Variants in CRPPA observed in about 807,000 individuals in gnomAD.
CRPPA encodes the protein D-ribitol-5-phosphate cytidylyltransferase.
A neutral mutation model predicts 52.0 loss-of-function variants in CRPPA; 43 were observed. The ratio of observed to expected loss-of-function variants is 0.83; its 90% confidence interval spans 0.65 to 1.07. The LOEUF (loss-of-function observed/expected upper bound fraction) is 1.07, where lower values mean the gene tolerates loss of function less well. Among genes scored for constraint, CRPPA ranks in the 50% least tolerant of loss-of-function variants. CRPPA has a pLI of 0.00. For missense variants in CRPPA, 629 were observed against 551.7 expected, an observed-to-expected ratio of 1.14 and a Z score of -1.40; for synonymous variants, 250 against 203.5, an observed-to-expected ratio of 1.23 and a Z score of -1.94.
Position 16,258,476 on chromosome 7 carries a change from T to C in CRPPA, c.1033A>G (p.Thr345Ala). The stretch of plus-strand genomic sequence containing the variant: ...TTCTGGGTTTCTTGAAAATCAGAGG[T>C]TGTAACCTAAAAGACCAGAAAAATA... Reference protein sequence around the residue: ...CYNFVCVNVTTSDFQETQKLL... With the variant: ...CYNFVCVNVTASDFQETQKLL... The change falls in exon 8 of 10, where the codon ACC (threonine) becomes GCC (alanine). Residue 345 changes from threonine (T) to alanine (A), a missense_variant. Thr to Ala is a moderately conservative substitution (Grantham distance 58, BLOSUM62 0). Transcript: ENST00000407010. 2.5e-6 allele frequency: 4 copies of C among 1,594,292 alleles called. No homozygotes were observed. The highest frequency in any genetic ancestry group is 1.3e-5 in the African/African-American group (1 of 74,330).
At chr7:16,096,247 G>A (rs1031347475) in intron 9 of CRPPA, among the ~76,000 whole-genome samples, 1 of 151,568 alleles carries the variant, frequency 6.6e-6, no homozygotes, top group Non-Finnish European at 1.5e-5. Flanking sequence ...AATATCACTA[G>A]ATAGGCAAAG....
At chr7:16,350,154 C>A (rs1786109856) in intron 3 of CRPPA, among the ~76,000 whole-genome samples, 1 of 151,832 alleles carries the variant, frequency 6.6e-6, no homozygotes, top group Admixed American at 6.6e-5. Context: ...CCCAGGAAGC[C>A]TATCTTTCAA....
rs984338442 is a variant in CRPPA, at chr7:16,346,393, A to G, written c.684+29699T>C. 3.9e-5 allele frequency among the ~76,000 whole-genome samples: 6 copies of G among 152,282 alleles called. No homozygotes were observed. The East Asian group carries it at 1.2e-3, about 29-fold the overall frequency. On this transcript the variant is annotated intron_variant, in intron 3 of 9. Transcript: ENST00000407010. The stretch of plus-strand genomic sequence containing the variant: ...ATCTAAAGGGTTGAAATTAAGCCAG[A>G]GGATAAGGAAAAGAGCTGTGTCAGT...
intron 9 of CRPPA, among the ~76,000 whole-genome samples, chr7:16,108,248 G>C (rs1168388414): frequency 6.6e-6 from 1 of 151,844 alleles, no homozygotes; most frequent in African/African-American, 2.4e-5. Flanking sequence ...CACTTTTAAT[G>C]ACATACATAG....
chr7:16,289,516 T>C (rs1321223300), intron 5 of CRPPA, among the ~76,000 whole-genome samples: 2 of 152,140 alleles, frequency 1.3e-5, no homozygotes, highest in Non-Finnish European at 2.9e-5. Flanking sequence ...GGATGCAAGA[T>C]GGTTCAACAT....
intron 2 of CRPPA, among the ~76,000 whole-genome samples, chr7:16,378,466 T>C (rs1480787025): frequency 1.3e-5 from 2 of 151,950 alleles, no homozygotes; most frequent in Non-Finnish European, 2.9e-5. Flanking sequence ...CTGCATAGTA[T>C]TCTATGGTGT....
rs370373583 is a variant in CRPPA at position 16,216,064 on chromosome 7, A to G, written c.1251+2T>C. 5.1e-6 allele frequency: 8 copies of G among 1,579,180 alleles called. No homozygotes were observed. Among genetic ancestry groups the G allele is most frequent in the Non-Finnish European group, 6.9e-6 (8 of 1,164,746 alleles). On this transcript the variant is annotated splice_donor_variant, in intron 9 of 9. Coordinates refer to ENST00000407010, the MANE Select transcript of CRPPA (RefSeq NM_001101426.4). LOFTEE classifies it high-confidence loss of function. Reference sequence around the variant, plus strand: ...CATTCGGAAGATAAACATTTTACCTACCTGTGGGTAAGATATGAGAAGCCC... The same window carrying G: ...CATTCGGAAGATAAACATTTTACCTGCCTGTGGGTAAGATATGAGAAGCCC...
At chr7:16,181,040 A>C (rs1781403307) in intron 9 of CRPPA, among the ~76,000 whole-genome samples, 1 of 151,914 alleles carries the variant, frequency 6.6e-6, no homozygotes, top group Non-Finnish European at 1.5e-5. Flanking sequence ...CAATGTTTGT[A>C]AAAAAAGCCA....
Position 16,332,591 on chromosome 7 carries a change from G to T in CRPPA, c.685-23964C>A, listed in dbSNP as rs1460276746. Among the ~76,000 whole-genome samples, 3 of 152,114 alleles carry T rather than the reference G, an allele frequency of 2.0e-5. No homozygotes were observed. The South Asian group carries it at 6.2e-4, about 31-fold the overall frequency. On this transcript the variant is annotated intron_variant, in intron 3 of 9. Coordinates refer to ENST00000407010, the MANE Select transcript of CRPPA (RefSeq NM_001101426.4). The stretch of plus-strand genomic sequence containing the variant: ...ATAGTGTTATTTGAAAATAGAATTA[G>T]TTGTAAATGTGTACTAGCAACTATG...
intron 8 of CRPPA, among the ~76,000 whole-genome samples, chr7:16,246,685 G>A (rs2128408303): frequency 6.6e-6 from 1 of 152,298 alleles, no homozygotes; most frequent in Middle Eastern, 3.4e-3. Flanking sequence ...TGGGTAACTA[G>A]GTACATTGTC....
intron 9 of CRPPA, among the ~76,000 whole-genome samples, chr7:16,134,571 G>A (rs1382271152): frequency 2.0e-5 from 3 of 152,174 alleles, no homozygotes; most frequent in Non-Finnish European, 2.9e-5. Flanking sequence ...AGAGTCAAAA[G>A]TTTTACATAC....
chr7:16,318,948 T>C (rs1380922367), intron 3 of CRPPA, among the ~76,000 whole-genome samples: 1 of 152,210 alleles, frequency 6.6e-6, no homozygotes, highest in African/African-American at 2.4e-5. Flanking sequence ...CTTGTGATGC[T>C]GTCTCTCGAC....
Position 16,420,521 on chromosome 7 carries a change from A to T in CRPPA, c.257+545T>A, listed in dbSNP as rs188022677. ...ATAAAGGGGGTATGACCTCAAATTCAGGCTTAAAGCCCTTTCCACCATTGA... is the reference window on the plus strand; with the variant it reads ...ATAAAGGGGGTATGACCTCAAATTCTGGCTTAAAGCCCTTTCCACCATTGA... On this transcript the variant is annotated intron_variant, in intron 1 of 9. Coordinates refer to ENST00000407010, the MANE Select transcript of CRPPA (RefSeq NM_001101426.4). 7.4e-4 allele frequency among the ~76,000 whole-genome samples: 112 copies of T among 152,292 alleles called. 1 individual carries two copies. The highest frequency in any genetic ancestry group is 2.3e-3 in the Admixed American group (35 of 15,294).
chr7:16,407,154 T>C (rs1349090546), intron 1 of CRPPA, among the ~76,000 whole-genome samples: 1 of 152,144 alleles, frequency 6.6e-6, no homozygotes, highest in East Asian at 1.9e-4. Context: ...GTTTGTATTT[T>C]TTTAGTAGAG....
At chr7:16,149,259 C>T (rs1783029847) in intron 9 of CRPPA, among the ~76,000 whole-genome samples, 2 of 152,118 alleles carry the variant, frequency 1.3e-5, no homozygotes, top group African/African-American at 4.8e-5. Context: ...TTCAGAGGAG[C>T]TATAAGTAAA....
At chr7:16,415,658 C>G (rs1788175678) in intron 1 of CRPPA, among the ~76,000 whole-genome samples, 1 of 152,176 alleles carries the variant, frequency 6.6e-6, no homozygotes, top group African/African-American at 2.4e-5. Context: ...TACCTGAAGG[C>G]TTATGTTTTA....
chr7:16,132,553 T>A (rs1782698856), intron 9 of CRPPA, among the ~76,000 whole-genome samples: 1 of 123,716 alleles, frequency 8.1e-6, no homozygotes, highest in Non-Finnish European at 1.8e-5. Context: ...AGGTAGAAAG[T>A]GGAAAAAGAG....
chr7:16,092,018 G>A (rs545535302), intron 9 of CRPPA, among the ~76,000 whole-genome samples: 1 of 152,266 alleles, frequency 6.6e-6, no homozygotes, highest in African/African-American at 2.4e-5. Context: ...TAAGATGCAA[G>A]GAAAAACACT....
chr7:16,395,627 T>C (rs779110617), intron 2 of CRPPA, among the ~76,000 whole-genome samples: 2 of 152,232 alleles, frequency 1.3e-5, no homozygotes, highest in African/African-American at 4.8e-5. Flanking sequence ...AAAATCTTTA[T>C]TCATATTACT....
Sources: gnomAD v4.1 joint callset for allele counts (sites outside exome capture counted in the v4.1 genomes callset) on GRCh38, gnomAD v4.1.1 for gene constraint, MANE v1.5 for transcripts, NCBI Gene and HGNC (gene_info 2026-07-23, HGNC 2026-07-21) for gene names.